ANXA8: variants seen among roughly 807,000 people sequenced by gnomAD.
ANXA8 encodes the protein VAC-beta.
ANXA8 carries 9 observed loss-of-function variants against 26.8 expected under a neutral mutation model. The observed-to-expected ratio is 0.34, with a 90% CI of 0.20 to 0.59. The LOEUF (loss-of-function observed/expected upper bound fraction) is 0.59. ANXA8 is among the 20% of genes least tolerant of loss of function. ANXA8 has a pLI of 0.84. For synonymous variants in ANXA8, 39 were observed against 94.8 expected (o/e 0.41, Z 3.42); for missense variants, 83 against 238.5 (o/e 0.35, Z 4.29).
At chr10:47,691,726 T>G in the ANXA8 span, among the ~76,000 whole-genome samples, 3 of 149,672 alleles carry the variant, frequency 2.0e-5, no homozygotes, top group African/African-American at 7.7e-5. Context: ...GCCACTGCAC[T>G]CTAGCCCAAG....
the ANXA8 span, among the ~76,000 whole-genome samples, chr10:47,594,162 G>A: frequency 1.7e-4 from 26 of 149,906 alleles, 1 homozygote; most frequent in Non-Finnish European, 2.9e-4. Flanking sequence ...GGTTTATTGT[G>A]GGACTTTACC....
chr10:47,620,236 G>A, the ANXA8 span, among the ~76,000 whole-genome samples: 1 of 103,372 alleles, frequency 9.7e-6, no homozygotes, highest in Non-Finnish European at 2.1e-5. Context: ...TGACTATATT[G>A]GACTTGGGAT....
At chr10:47,633,819 C>T in the ANXA8 span, among the ~76,000 whole-genome samples, 1 of 150,230 alleles carries the variant, frequency 6.7e-6, no homozygotes, top group African/African-American at 2.5e-5. Context: ...TGACATCCCC[C>T]TAGTATTTCA....
chr10:47,556,781 G>T, the ANXA8 span, among the ~76,000 whole-genome samples: 1 of 143,326 alleles, frequency 7.0e-6, no homozygotes, highest in South Asian at 2.2e-4. Flanking sequence ...ATGAAAAAAA[G>T]TATTTTTCCT....
At chr10:47,970,721 A>G in the ANXA8 span, among the ~76,000 whole-genome samples, 2 of 151,588 alleles carry the variant, frequency 1.3e-5, no homozygotes, top group Non-Finnish European at 3.0e-5. Context: ...TGGAACTGCC[A>G]GTGTGTTTTT....
chr10:47,504,811 A>C, the ANXA8 span, among the ~76,000 whole-genome samples: 2 of 127,056 alleles, frequency 1.6e-5, no homozygotes, highest in Admixed American at 8.3e-5. Context: ...GATCCCGAAG[A>C]CCCCTTCCAG....
At chr10:47,955,515 TGTGACTGTACTGAATACTGCA>T in the ANXA8 span, among the ~76,000 whole-genome samples, 1 of 150,088 alleles carries the variant, frequency 6.7e-6, no homozygotes, top group East Asian at 2.1e-4. Context: ...CTGTGCAGCA[TGTGACTGTACTGAATACTGCA>T]GGCAACTGTA....
the ANXA8 span, among the ~76,000 whole-genome samples, chr10:47,522,234 C>T: frequency 2.2e-3 from 306 of 141,882 alleles, 29 homozygotes; most frequent in African/African-American, 7.6e-3. Flanking sequence ...TCTACGTTGA[C>T]GTTTCATGTC....
At chr10:47,489,272 C>T in the ANXA8 span, among the ~76,000 whole-genome samples, 1 of 143,438 alleles carries the variant, frequency 7.0e-6, no homozygotes, top group Non-Finnish European at 1.5e-5. Flanking sequence ...CCCTCCTCAG[C>T]CTCCCAAAGT....
At chr10:47,702,264 C>T in the ANXA8 span, among the ~76,000 whole-genome samples, 1 of 151,110 alleles carries the variant, frequency 6.6e-6, no homozygotes, top group Non-Finnish European at 1.5e-5. Flanking sequence ...GCGAGCACAG[C>T]ACAGATGCAG....
chr10:47,673,304 C>T, the ANXA8 span, among the ~76,000 whole-genome samples: 2 of 151,570 alleles, frequency 1.3e-5, no homozygotes, highest in Non-Finnish European at 2.9e-5. Context: ...CCTTAGAAGG[C>T]AGGATTGCTG....
the ANXA8 span, among the ~76,000 whole-genome samples, chr10:47,508,072 G>C: frequency 7.5e-6 from 1 of 134,008 alleles, no homozygotes; most frequent in Non-Finnish European, 1.6e-5. Context: ...TTTTTTTTTT[G>C]GGGGGGTGGT....
the ANXA8 span, among the ~76,000 whole-genome samples, chr10:47,511,258 T>C: frequency 1.4e-5 from 2 of 142,490 alleles, no homozygotes. Context: ...ATTATTTATT[T>C]ACTACGATAA....
chr10:47,968,268 C>T, the ANXA8 span, among the ~76,000 whole-genome samples: 1 of 151,164 alleles, frequency 6.6e-6, no homozygotes, highest in African/African-American at 2.4e-5. Context: ...ATAGCTACTG[C>T]TGCTGCTGGA....
At chr10:47,611,521 TCAAA>T in the ANXA8 span, among the ~76,000 whole-genome samples, 1 of 143,644 alleles carries the variant, frequency 7.0e-6, no homozygotes, top group Non-Finnish European at 1.5e-5. Context: ...TACAATATAA[TCAAA>T]ACTTTCATTT....
chr10:47,543,845 T>C, the ANXA8 span, among the ~76,000 whole-genome samples: 2 of 139,504 alleles, frequency 1.4e-5, no homozygotes, highest in Non-Finnish European at 3.1e-5. Context: ...CACACAACTG[T>C]GTCTCTAGGC....
the ANXA8 span, among the ~76,000 whole-genome samples, chr10:47,496,040 G>A: frequency 1.3e-5 from 2 of 151,648 alleles, no homozygotes; most frequent in Non-Finnish European, 2.9e-5. Flanking sequence ...GGCTGTATCT[G>A]GGAAAGGAGG....
upstream of ANXA8, chr10:47,484,148 G>A: frequency 3.5e-6 from 4 of 1,134,798 alleles, no homozygotes; most frequent in Non-Finnish European, 5.2e-6. Flanking sequence ...TGGCTCCCAG[G>A]CCCCACCCAG....
At chr10:47,757,686 TC>T in the ANXA8 span, among the ~76,000 whole-genome samples, 50 of 114,282 alleles carry the variant, frequency 4.4e-4, no homozygotes, top group Non-Finnish European at 8.6e-4. Context: ...TTCAGGTTGC[TC>T]CAGGGGGTCT....
Sources: gnomAD v4.1 joint callset for allele counts (sites outside exome capture counted in the v4.1 genomes callset) on GRCh38, gnomAD v4.1.1 for gene constraint, MANE v1.5 for transcripts, NCBI Gene and HGNC (gene_info 2026-07-23, HGNC 2026-07-21) for gene names.